Variants in SMC4 observed in about 807,000 individuals in gnomAD.
SMC4 encodes the protein structural maintenance of chromosomes protein 4.
Under a neutral mutation model 145.6 loss-of-function variants are expected in SMC4, and 87 were observed. The observed-to-expected ratio is 0.60, with a 90% CI of 0.50 to 0.71. The LOEUF is 0.71. Ranked by LOEUF, SMC4 falls within the 30% of genes least tolerant of loss-of-function variation. The pLI, the probability that SMC4 is intolerant of heterozygous loss-of-function variation, is 0.00. For synonymous variants in SMC4, 558 were observed against 500.7 expected, an observed-to-expected ratio of 1.11 and a Z score of -1.53; for missense variants, 1,447 against 1,537.1, an observed-to-expected ratio of 0.94 and a Z score of 0.98.
intron 9 of SMC4, among the ~76,000 whole-genome samples, chr3:160,415,136 C>T (rs1716448587): frequency 6.6e-6 from 1 of 152,146 alleles, no homozygotes; most frequent in Admixed American, 6.5e-5. Context: ...CTTTGGGCGG[C>T]CAAAGTTGGA....
At chr3:160,423,201 T>C (rs1717367807) in intron 13 of SMC4, among the ~76,000 whole-genome samples, 1 of 152,316 alleles carries the variant, frequency 6.6e-6, no homozygotes, top group East Asian at 1.9e-4. Context: ...ACAGGTTGTA[T>C]TGAATTTGTA....
At chr3:160,420,960 C>T (rs551516892) in intron 13 of SMC4, 59 bp downstream of exon 13, 340 of 1,407,262 alleles carry the variant, frequency 2.4e-4, no homozygotes, top group Admixed American at 1.2e-3. Context: ...GACGTAGTCT[C>T]GCTCTGTCAC....
rs147838753 is a variant in SMC4, at chr3:160,425,629, C to T, written c.2479-445C>T. ...TGACAAATTTTTTTTGTATTATGTA[C>T]ATGGCTATGTTTAAAAAAATCCTTG... is the stretch of plus-strand genomic sequence containing the variant. On this transcript the variant is annotated intron_variant, in intron 16 of 23. Coordinates refer to ENST00000357388, the MANE Select transcript of SMC4 (RefSeq NM_001002800.3). 1.8e-4 allele frequency among the ~76,000 whole-genome samples: 27 copies of T among 152,042 alleles called. No individual in the cohort carries two copies. In the East Asian group the frequency reaches 2.5e-3, roughly 14 times the overall value.
intron 23 of SMC4, 47 bp from the exon 24 acceptor site, chr3:160,433,610 T>A (rs763632776): frequency 1.1e-5 from 13 of 1,196,974 alleles, no homozygotes; most frequent in African/African-American, 4.7e-5. Flanking sequence ...GTTTGTGTGA[T>A]TTACCTGTTA....
chr3:160,403,630 C>T (rs949901647), intron 4 of SMC4, among the ~76,000 whole-genome samples: 9 of 151,872 alleles, frequency 5.9e-5, no homozygotes, highest in African/African-American at 2.2e-4. Flanking sequence ...TTTGTGCTTT[C>T]TATTGTACAA....
Position 160,401,985 on chromosome 3 carries a change from T to G in SMC4, c.210T>G (p.Pro70=). 1.9e-6 allele frequency: 3 copies of G among 1,606,164 alleles called. No individual in the cohort carries two copies. Among genetic ancestry groups the G allele is most frequent in the Non-Finnish European group, 2.5e-6 (3 of 1,176,712 alleles). Residue 70 remains proline, a synonymous_variant, in exon 3 of 24, where the codon CCT becomes CCG. Transcript: ENST00000357388. The stretch of plus-strand genomic sequence containing the variant: ...TGAACAGCATTCCTCCTCCCCCGCC[T>G]CCAGCAATGACCAATGAAGCTGGAG... ...EILNSIPPPP[P]PAMTNEAGAP...
rs1718364475 is a variant in SMC4 at position 160,431,179 on chromosome 3, T to C, written c.3088T>C (p.Ser1030Pro). 2 of 1,582,328 alleles carry C rather than the reference T, an allele frequency of 1.3e-6. No homozygotes were observed. The highest frequency in any genetic ancestry group is 2.4e-5 in the South Asian group (2 of 85,038). ...QIDGHIAEHNSKIKYWHKEIS... is the reference protein window; with the variant it reads ...QIDGHIAEHNPKIKYWHKEIS... Reference sequence around the variant, plus strand: ...AGATGGTCACATTGCTGAACATAATTCTAAAATAAAATATTGGCACAAAGA... The same window carrying C: ...AGATGGTCACATTGCTGAACATAATCCTAAAATAAAATATTGGCACAAAGA... The change falls in exon 20 of 24, where the codon TCT becomes CCT. Residue 1030 changes from serine (S) to proline (P), a missense_variant. Transcript: ENST00000357388.
intron 18 of SMC4, among the ~76,000 whole-genome samples, chr3:160,429,325 T>C (rs1252921971): frequency 3.9e-5 from 6 of 152,164 alleles, no homozygotes; most frequent in Non-Finnish European, 7.4e-5. Flanking sequence ...ATTAATTCTC[T>C]TGGTAACTTA....
chr3:160,404,332 G>A lies in SMC4; in HGVS notation c.515G>A (p.Gly172Glu), dbSNP rs757114786. The change falls in exon 5 of 24, where the codon GGG becomes GAG. Residue 172 changes from glycine (G) to glutamate (E), a missense_variant. By Grantham distance (98) the Gly-to-Glu change is moderately conservative. Coordinates refer to ENST00000357388, the MANE Select transcript of SMC4 (RefSeq NM_001002800.3). Reference sequence around the variant, plus strand: ...TTTTGTTTTTCCTCAAAACAGGAAGGGGATGATTATGAAGTCATTCCTAAC... The same window carrying A: ...TTTTGTTTTTCCTCAAAACAGGAAGAGGATGATTATGAAGTCATTCCTAAC... ...VHFQKIIDKE[G>E]DDYEVIPNSN... 2.5e-6 allele frequency: 4 copies of A among 1,600,820 alleles called. No individual in the cohort carries two copies. The South Asian group carries it at 3.4e-5, about 14-fold the overall frequency.
intron 7 of SMC4, among the ~76,000 whole-genome samples, chr3:160,413,020 A>G (rs1269029261): frequency 6.6e-6 from 1 of 151,980 alleles, no homozygotes. Context: ...TGCAATCTCA[A>G]CCTTCCGGAC....
chr3:160,417,916 T>C lies in SMC4; in HGVS notation c.1631T>C (p.Ile544Thr), dbSNP rs41272953. 379 of 1,612,836 alleles carry C rather than the reference T, an allele frequency of 2.3e-4. No individual in the cohort carries two copies. The highest frequency in any genetic ancestry group is 3.1e-4 in the Non-Finnish European group (366 of 1,179,500). The change falls in exon 11 of 24, where the codon ATA (isoleucine) becomes ACA (threonine). Residue 544 changes from isoleucine (I) to threonine (T), a missense_variant. Transcript: ENST00000357388. The stretch of plus-strand genomic sequence containing the variant: ...GAAAGGAAAGCTGCAATCAGAGATA[T>C]AGAAGGAAAACTCCCTCAAACTGAA... The part of the protein sequence containing the change: ...LKERKAAIRD[I>T]EGKLPQTEQE...
chr3:160,431,640 T>A lies in SMC4; in HGVS notation c.3115-3T>A. ...CTAACTCTCCCCTAAATTGAACTTT[T>A]AGATTTCAAAAATATCACTGCATCC... is the stretch of plus-strand genomic sequence containing the variant. On this transcript the variant is annotated splice_polypyrimidine_tract_variant and splice_region_variant and intron_variant, in intron 20 of 23. Coordinates refer to ENST00000357388, the MANE Select transcript of SMC4 (RefSeq NM_001002800.3). 6.4e-7 allele frequency: 1 copy of A among 1,572,048 alleles called. No individual in the cohort carries two copies. Among genetic ancestry groups the A allele is most frequent in the Non-Finnish European group, 8.6e-7 (1 of 1,166,662 alleles).
intron 18 of SMC4, 34 bp downstream of exon 18, chr3:160,428,976 C>G (rs1718085670): frequency 1.3e-6 from 2 of 1,497,254 alleles, no homozygotes; most frequent in Non-Finnish European, 1.8e-6. Context: ...CTTGTTTTCC[C>G]TTTCCCTGCC....
chr3:160,404,426 A>G lies in SMC4; in HGVS notation c.609A>G (p.Lys203=), dbSNP rs780522883. 3.2e-5 allele frequency: 51 copies of G among 1,612,252 alleles called. No homozygotes were observed. Among genetic ancestry groups the G allele is most frequent in the Non-Finnish European group, 4.0e-5 (47 of 1,179,368 alleles). The change falls in exon 5 of 24, where the codon AAA becomes AAG. Residue 203 remains lysine, a synonymous_variant. Transcript: ENST00000357388. ...CTGTCTATCACATAAGTGGAAAGAA[A>G]AAGACATTTAAGGATGTTGGAAATC... The part of the protein sequence containing the change: ...NTSVYHISGK[K]KTFKDVGNLL...
chr3:160,421,054 C>T (rs549249804), intron 13 of SMC4, among the ~76,000 whole-genome samples, 153 bp downstream of exon 13: 6 of 152,176 alleles, frequency 3.9e-5, no homozygotes, highest in East Asian at 1.9e-4. Flanking sequence ...CTCAGCCTCC[C>T]GAGTATCTGG....
chr3:160,410,775 A>T (rs1715900510), intron 5 of SMC4, among the ~76,000 whole-genome samples: 1 of 152,200 alleles, frequency 6.6e-6, no homozygotes, highest in Admixed American at 6.5e-5. Context: ...TGATGCTCTC[A>T]TTAGTAAGTT....
intron 6 of SMC4, 83 bp downstream of exon 6, chr3:160,412,167 TATA>T (rs1271196024): frequency 4.7e-6 from 7 of 1,477,190 alleles, no homozygotes; most frequent in South Asian, 1.3e-5. Context: ...ATATTCATGT[TATA>T]ATACTTAATG....
At chr3:160,418,815 GTT>G (rs1716858909) in intron 11 of SMC4, among the ~76,000 whole-genome samples, 1 of 152,108 alleles carries the variant, frequency 6.6e-6, no homozygotes, top group Non-Finnish European at 1.5e-5. Flanking sequence ...CAGAGGTTGT[GTT>G]TATGTGTGCA....
chr3:160,433,308 T>C (rs1482690631), intron 23 of SMC4, 99 bp downstream of exon 23: 1 of 804,356 alleles, frequency 1.2e-6, no homozygotes, highest in East Asian at 2.5e-5. Context: ...GCTTTTTCTT[T>C]ATTGTCTAAT....
Sources: allele counts gnomAD v4.1 joint callset (sites outside exome capture counted in the v4.1 genomes callset), GRCh38; gene constraint gnomAD v4.1.1; transcripts MANE v1.5; gene names NCBI Gene and HGNC (gene_info 2026-07-23, HGNC 2026-07-21).